The following SLC12A7 variants were observed in gnomAD, a reference collection of about 807,000 sequenced individuals.
SLC12A7 encodes the protein solute carrier family 12 member 7, also known as K-Cl cotransporter 4.
Under a neutral mutation model 120.6 loss-of-function variants are expected in SLC12A7, and 100 were observed. The ratio of observed to expected loss-of-function variants is 0.83; its 90% CI spans 0.71 to 0.98. SLC12A7 has a LOEUF of 0.98. SLC12A7 is among the 50% of genes least tolerant of loss of function. The pLI, the probability that SLC12A7 is intolerant of heterozygous loss-of-function variation, is 0.00. For synonymous variants in SLC12A7, 760 were observed against 678.0 expected, an observed-to-expected ratio of 1.12 and a Z score of -1.88; for missense variants, 1,373 against 1,548.1, an observed-to-expected ratio of 0.89 and a Z score of 1.90.
chr5:1,132,248 G>A, the SLC12A7 span, among the ~76,000 whole-genome samples: 38 of 152,266 alleles, frequency 2.5e-4, 1 homozygote, highest in Middle Eastern at 3.4e-3. Flanking sequence ...CCACGGCAAC[G>A]TCGGGAAGCT....
At chr5:1,127,163 C>T in the SLC12A7 span, among the ~76,000 whole-genome samples, 20 of 152,202 alleles carry the variant, frequency 1.3e-4, no homozygotes, top group Admixed American at 9.8e-4. Flanking sequence ...TACAGGCACA[C>T]GCCACCACGC....
chr5:1,094,053 T>C, intron 2 of SLC12A7, 101 bp downstream of exon 2: 1 of 854,528 alleles, frequency 1.2e-6, no homozygotes, highest in Non-Finnish European at 1.9e-6. Flanking sequence ...TGGTGTCCAG[T>C]CCTGTGGGAG....
the SLC12A7 span, among the ~76,000 whole-genome samples, chr5:1,134,605 CAG>C: frequency 6.6e-6 from 1 of 152,116 alleles, no homozygotes; most frequent in Non-Finnish European, 1.5e-5. Flanking sequence ...CATACGGAAA[CAG>C]AACGGCAGTT....
In SLC12A7 at chr5:1,050,957, TA is replaced by T. The variant is rs775386058; in HGVS notation, c.*1402del. On this transcript the variant is annotated 3_prime_UTR_variant, in exon 24 of 24. Transcript: ENST00000264930. ...CTTGGGAGACCATGCAAGCCAGACGTAGCCCAAGGCCTGGCCATCTGGGGCC... is the reference window on the plus strand; with the variant it reads ...CTTGGGAGACCATGCAAGCCAGACGTGCCCAAGGCCTGGCCATCTGGGGCC... 17 of 398,572 alleles carry T rather than the reference TA, an allele frequency of 4.3e-5. No individual in the cohort carries two copies. The highest frequency in any genetic ancestry group is 6.6e-5 in the Non-Finnish European group (15 of 226,086). 24.7% of individuals were successfully genotyped at this position (398,572 alleles called of 1,614,324 possible). A position where few individuals can be genotyped will look rare whatever the true frequency, so the allele number is the denominator to read the frequency against.
the SLC12A7 span, among the ~76,000 whole-genome samples, chr5:1,131,398 G>A: frequency 1.3e-5 from 2 of 152,222 alleles, no homozygotes; most frequent in African/African-American, 4.8e-5. Context: ...GCCGGTATTG[G>A]TGCAACAGGC....
chr5:1,052,631 G>T (rs931570314), intron 23 of SLC12A7, among the ~76,000 whole-genome samples, 180 bp from the exon 24 acceptor site: 2 of 152,204 alleles, frequency 1.3e-5, no homozygotes, highest in Non-Finnish European at 2.9e-5. Flanking sequence ...GAGCAGGGCA[G>T]GGGAGAGAGG....
chr5:1,114,347 G>A (rs2150918283), upstream of SLC12A7, among the ~76,000 whole-genome samples: 1 of 152,254 alleles, frequency 6.6e-6, no homozygotes, highest in East Asian at 1.9e-4. Flanking sequence ...CTAATCAGGT[G>A]AGTCACGACA....
the SLC12A7 span, among the ~76,000 whole-genome samples, chr5:1,120,682 A>C: frequency 6.6e-6 from 1 of 152,234 alleles, no homozygotes; most frequent in Non-Finnish European, 1.5e-5. Context: ...TCCCATCAGC[A>C]GGGCAGTGGG....
the SLC12A7 span, among the ~76,000 whole-genome samples, chr5:1,150,152 G>A: frequency 6.6e-6 from 1 of 152,170 alleles, no homozygotes; most frequent in Non-Finnish European, 1.5e-5. Context: ...CATCCTCTGG[G>A]TATGAACCCC....
the SLC12A7 span, among the ~76,000 whole-genome samples, chr5:1,128,000 T>G: frequency 6.6e-6 from 1 of 152,162 alleles, no homozygotes; most frequent in Admixed American, 6.5e-5. Context: ...CTGGTTTTCA[T>G]CTGGGGGTGG....
Position 1,057,853 on chromosome 5 carries a change from C to T in SLC12A7, c.2848-204G>A, listed in dbSNP as rs111919741. 3.1e-3 allele frequency among the ~76,000 whole-genome samples: 479 copies of T among 152,280 alleles called. 2 individuals carry two copies. Among genetic ancestry groups the T allele is most frequent in the Middle Eastern group, 0.01 (3 of 294 alleles). On this transcript the variant is annotated intron_variant, in intron 21 of 23. Coordinates refer to ENST00000264930, the MANE Select transcript of SLC12A7 (RefSeq NM_006598.3). ...CCTCCTCCCAGGCTTCCCGACCAAA[C>T]GCTCACCCCCTCACCTTCCCGCCCT...
rs745526990 is a variant in SLC12A7, at chr5:1,057,441, TCC to T, written c.3026+28_3026+29del. ...CCGGGCCAGCACTGCCAGGATCTGT[TCC>T]CCCCAGGCCACACGCACGGACACTC... On this transcript the variant is annotated intron_variant, in intron 22 of 23. Coordinates refer to ENST00000264930, the MANE Select transcript of SLC12A7 (RefSeq NM_006598.3). The T allele has an allele frequency of 9.5e-6, 15 of 1,583,028 alleles. No homozygotes were observed. The East Asian group carries it at 3.4e-4, about 36-fold the overall frequency.
intron 17 of SLC12A7, among the ~76,000 whole-genome samples, chr5:1,069,917 G>C (rs566188813): frequency 5.3e-5 from 8 of 152,194 alleles, no homozygotes; most frequent in Admixed American, 3.9e-4. Flanking sequence ...CTACACGCCC[G>C]GGGCACTCAC....
intron 16 of SLC12A7, 46 bp from the exon 17 acceptor site, chr5:1,073,847 G>A (rs745320156): frequency 7.4e-7 from 1 of 1,347,820 alleles, no homozygotes; most frequent in South Asian, 2.3e-5. Flanking sequence ...CGCTTACCAG[G>A]GCACGGCCCA....
At chr5:1,089,182 C>A in intron 3 of SLC12A7, 54 bp from the exon 4 acceptor site, 1 of 1,580,660 alleles carries the variant, frequency 6.3e-7, no homozygotes. Context: ...CCAGAGGGAG[C>A]CCCCTCCCCA....
intron 7 of SLC12A7, among the ~76,000 whole-genome samples, chr5:1,084,425 G>A (rs1246161587): frequency 1.3e-5 from 2 of 152,206 alleles, no homozygotes; most frequent in African/African-American, 4.8e-5. Context: ...GTCCTGGCCG[G>A]GTCAGCTGTC....
chr5:1,106,062 T>G (rs942404910), intron 1 of SLC12A7, among the ~76,000 whole-genome samples: 1 of 152,164 alleles, frequency 6.6e-6, no homozygotes, highest in Non-Finnish European at 1.5e-5. Flanking sequence ...ATGGAGCCGG[T>G]TGAAATCAAA....
chr5:1,120,807 G>A, the SLC12A7 span, among the ~76,000 whole-genome samples: 3 of 152,204 alleles, frequency 2.0e-5, no homozygotes, highest in South Asian at 6.2e-4. Context: ...TCTACGTGAA[G>A]CTCAAGGGCA....
chr5:1,124,869 G>T, the SLC12A7 span, among the ~76,000 whole-genome samples: 2 of 152,150 alleles, frequency 1.3e-5, no homozygotes, highest in Non-Finnish European at 1.5e-5. Context: ...GAGGCGGCCG[G>T]CCAGACCTCA....
Sources: allele counts gnomAD v4.1 joint callset (sites outside exome capture counted in the v4.1 genomes callset), GRCh38; gene constraint gnomAD v4.1.1; transcripts MANE v1.5; gene names NCBI Gene and HGNC (gene_info 2026-07-23, HGNC 2026-07-21).